CDH8: variants seen among roughly 807,000 people sequenced by gnomAD.
CDH8 encodes cadherin 8.
CDH8 carries 17 observed loss-of-function variants against 68.1 expected under a neutral mutation model. That is an observed-to-expected ratio of 0.25 (90% CI 0.17 to 0.37). The LOEUF is 0.37. Ranked by LOEUF, CDH8 falls within the 10% of genes least tolerant of loss-of-function variation. CDH8 has a pLI of 1.00. For synonymous variants in CDH8, 372 were observed against 365.1 expected (o/e 1.02, Z -0.21); for missense variants, 763 against 999.3 (o/e 0.76, Z 3.19).
At chr16:61,915,815 C>T (rs1391723112) in intron 2 of CDH8, among the ~76,000 whole-genome samples, 1 of 152,108 alleles carries the variant, frequency 6.6e-6, no homozygotes, top group East Asian at 1.9e-4. Flanking sequence ...TGGAACAGAA[C>T]TTCCCCTTTC....
chr16:61,789,518 T>C (rs1961328116), intron 7 of CDH8, 36 bp from the exon 8 acceptor site: 8 of 1,601,952 alleles, frequency 5.0e-6, no homozygotes, highest in Non-Finnish European at 6.8e-6. Flanking sequence ...TACTTCAATG[T>C]TTATATGATC....
chr16:61,872,840 C>T (rs1298092154), intron 3 of CDH8, among the ~76,000 whole-genome samples: 1 of 152,160 alleles, frequency 6.6e-6, no homozygotes, highest in Non-Finnish European at 1.5e-5. Flanking sequence ...ATGGGATATA[C>T]ACCTCTTTAA....
At chr16:61,830,815 C>T (rs1454883405) in intron 4 of CDH8, among the ~76,000 whole-genome samples, 1 of 151,742 alleles carries the variant, frequency 6.6e-6, no homozygotes, top group Non-Finnish European at 1.5e-5. Flanking sequence ...AATAACCTCA[C>T]AATAAAGAAA....
chr16:61,885,768 A>T (rs1267956474), intron 3 of CDH8, among the ~76,000 whole-genome samples: 1 of 151,766 alleles, frequency 6.6e-6, no homozygotes, highest in African/African-American at 2.4e-5. Flanking sequence ...TTATTCTGTC[A>T]AGGTGAGAAA....
At chr16:61,787,994 C>T (rs905866867) in intron 8 of CDH8, among the ~76,000 whole-genome samples, 146 of 147,454 alleles carry the variant, frequency 9.9e-4, no homozygotes, top group Non-Finnish European at 1.1e-3. Context: ...TGCTAGATGA[C>T]GAGTTAGTGG....
At position 61,650,316 on chromosome 16, in the gene CDH8, C is replaced by T. The variant is rs149431076; in HGVS notation, c.*3292G>A. The T allele has an allele frequency of 6.6e-6, 1 of 152,020 alleles. No homozygotes were observed. Among genetic ancestry groups the T allele is most frequent in the East Asian group, 1.9e-4 (1 of 5,144 alleles). 9.4% of individuals were successfully genotyped at this position (152,020 alleles called of 1,614,324 possible). A position where few individuals can be genotyped will look rare whatever the true frequency, so the allele number is the denominator to read the frequency against. On this transcript the variant is annotated 3_prime_UTR_variant, in exon 12 of 12. Transcript: ENST00000577390. ...GGCTGAATTGATCCCATGTTGTGTC[C>T]AATCACCCAGGGATGCATCAGTTCC... is the stretch of plus-strand genomic sequence containing the variant.
At chr16:61,727,070 C>G (rs760088513) in intron 9 of CDH8, 24 bp downstream of exon 9, 19 of 1,609,080 alleles carry the variant, frequency 1.2e-5, no homozygotes, top group Non-Finnish European at 1.4e-5. Flanking sequence ...ACATATTCAG[C>G]ATTAACAACA....
chr16:61,896,893 C>T (rs559653801), intron 3 of CDH8, among the ~76,000 whole-genome samples: 3 of 151,976 alleles, frequency 2.0e-5, no homozygotes, highest in African/African-American at 7.2e-5. Flanking sequence ...AAGTTATTAT[C>T]CTTGCTTTAT....
At chr16:61,714,132 T>C (rs984539458) in intron 9 of CDH8, 174 bp from the exon 10 acceptor site, 1 of 598,850 alleles carries the variant, frequency 1.7e-6, no homozygotes, top group African/African-American at 1.9e-5. Context: ...AATCCATTAC[T>C]TTAAAACCTC....
chr16:62,030,807 C>CA (rs1421042118), intron 1 of CDH8, among the ~76,000 whole-genome samples: 1 of 152,040 alleles, frequency 6.6e-6, no homozygotes, highest in Non-Finnish European at 1.5e-5. Flanking sequence ...AACACATCCA[C>CA]AAAAGTACCT....
intron 7 of CDH8, among the ~76,000 whole-genome samples, chr16:61,801,079 T>G (rs1226485776): frequency 6.6e-6 from 1 of 151,996 alleles, no homozygotes; most frequent in East Asian, 1.9e-4. Context: ...TTTTGTTCCC[T>G]AGAGAATACA....
At chr16:61,694,316 T>A (rs1265334561) in intron 10 of CDH8, among the ~76,000 whole-genome samples, 1 of 152,196 alleles carries the variant, frequency 6.6e-6, no homozygotes, top group Non-Finnish European at 1.5e-5. Flanking sequence ...TGTAGTGAGT[T>A]CTATTATGAG....
chr16:61,758,034 T>C (rs1164822272), intron 8 of CDH8, among the ~76,000 whole-genome samples: 1 of 152,060 alleles, frequency 6.6e-6, no homozygotes, highest in Non-Finnish European at 1.5e-5. Flanking sequence ...AGGAAGGAGA[T>C]AGATTAATTG....
chr16:61,768,336 C>CTG (rs1960656486), intron 8 of CDH8, among the ~76,000 whole-genome samples: 19 of 117,896 alleles, frequency 1.6e-4, no homozygotes, highest in African/African-American at 6.4e-4. Flanking sequence ...CTCTCTCTCT[C>CTG]TCTCTCTCTC....
chr16:62,011,105 T>C (rs1407700377), intron 2 of CDH8, among the ~76,000 whole-genome samples: 1 of 152,072 alleles, frequency 6.6e-6, no homozygotes, highest in African/African-American at 2.4e-5. Flanking sequence ...AAAATATGCA[T>C]GTAGTATTTT....
chr16:61,826,372 T>C (rs573597887), intron 4 of CDH8, among the ~76,000 whole-genome samples: 8 of 152,000 alleles, frequency 5.3e-5, no homozygotes, highest in Middle Eastern at 3.4e-3. Flanking sequence ...TATGATAATA[T>C]TGTATTTTTT....
chr16:61,812,068 C>G (rs1300673629), intron 7 of CDH8, among the ~76,000 whole-genome samples: 1 of 152,086 alleles, frequency 6.6e-6, no homozygotes, highest in Non-Finnish European at 1.5e-5. Flanking sequence ...CACACACAAA[C>G]ACACCACAAA....
chr16:61,707,388 G>T (rs563914593), intron 10 of CDH8, among the ~76,000 whole-genome samples: 35 of 152,204 alleles, frequency 2.3e-4, no homozygotes, highest in Admixed American at 1.0e-3. Flanking sequence ...TACCTTGCAG[G>T]TTCCCATAGA....
At chr16:61,826,005 A>C (rs1962324124) in intron 4 of CDH8, among the ~76,000 whole-genome samples, 1 of 151,846 alleles carries the variant, frequency 6.6e-6, no homozygotes, top group Non-Finnish European at 1.5e-5. Flanking sequence ...GTTTATTTTG[A>C]AAATCAAAAA....
Sources: gnomAD v4.1 joint callset for allele counts (sites outside exome capture counted in the v4.1 genomes callset) on GRCh38, gnomAD v4.1.1 for gene constraint, MANE v1.5 for transcripts, NCBI Gene and HGNC (gene_info 2026-07-23, HGNC 2026-07-21) for gene names.